The following MADD variants were observed in gnomAD, a reference collection of about 807,000 sequenced individuals.
The protein encoded by MADD is MAP kinase-activating death domain protein.
MADD carries 109 observed loss-of-function variants against 176.7 expected under a neutral mutation model. The observed-to-expected ratio is 0.62, with a 90% CI of 0.53 to 0.72. MADD has a LOEUF of 0.72. Among genes scored for constraint, MADD ranks in the 30% least tolerant of loss-of-function variants. The pLI is 0.00. For missense variants in MADD, 1,914 were observed against 2,045.5 expected (o/e 0.94, Z 1.24); for synonymous variants, 771 against 771.3 (o/e 1.00, Z 0.01).
intron 19 of MADD, among the ~76,000 whole-genome samples, chr11:47,292,858 G>A (rs577211181): frequency 5.3e-5 from 8 of 152,246 alleles, no homozygotes; most frequent in African/African-American, 1.9e-4. Context: ...TTCAGAGTTG[G>A]TGGGGAGAAT....
chr11:47,274,289 A>G (rs558879691), intron 2 of MADD, among the ~76,000 whole-genome samples: 1 of 152,344 alleles, frequency 6.6e-6, no homozygotes, highest in African/African-American at 2.4e-5. Flanking sequence ...TTATTAGTTA[A>G]TTCACTTTAA....
rs35135181 is a variant in MADD, at chr11:47,282,913, T to A, written c.1806T>A (p.Ala602=). ...TCTATGACAGCAATTCCCAGCTGGC[T>A]GAGGCCCTGAGTGTACCACCAGAGC... The change falls in exon 10 of 33, where the codon GCT becomes GCA. Residue 602 remains alanine, a synonymous_variant. Coordinates refer to ENST00000402192, the Ensembl canonical transcript of MADD. 465 of 1,614,046 alleles carry A rather than the reference T, an allele frequency of 2.9e-4. 1 individual carries two copies. In the African/African-American group the frequency reaches 5.4e-3, roughly 19 times the overall value.
chr11:47,279,381 C>A (rs188014201), intron 7 of MADD, among the ~76,000 whole-genome samples: 38 of 116,820 alleles, frequency 3.3e-4, no homozygotes, highest in Middle Eastern at 4.3e-3. Context: ...TTTTCTCAGT[C>A]TTTTTTTTTT....
At chr11:47,296,160 TAAGG>T in intron 22 of MADD, 105 bp downstream of exon 24, 2 of 1,308,412 alleles carry the variant, frequency 1.5e-6, no homozygotes, top group East Asian at 4.7e-5. Context: ...AAAGGTTAAA[TAAGG>T]AAGAGGTAAT....
intron 22 of MADD, among the ~76,000 whole-genome samples, chr11:47,301,061 G>C (rs1279403761): frequency 6.7e-6 from 1 of 148,950 alleles, no homozygotes; most frequent in Non-Finnish European, 1.5e-5. Context: ...AGCTCTAATG[G>C]TTTGTGGATT....
In MADD at chr11:47,304,507, G is replaced by A. The variant is rs112471522; in HGVS notation, c.3643-4084G>A. On this transcript the variant is annotated intron_variant, in intron 22 of 32. Transcript: ENST00000402192. ...CACCTCCCAAAGTGTTGGGATTACA[G>A]GTGTGAGCCCCCACGCCTGGCCCTC... is the stretch of plus-strand genomic sequence containing the variant. Among the ~76,000 whole-genome samples the A allele has an allele frequency of 8.9e-3, 1,357 of 152,174 alleles. 22 individuals carry two copies. The highest frequency in any genetic ancestry group is 0.03 in the African/African-American group (1,265 of 41,516).
chr11:47,296,435 A>G (rs2071938397), intron 22 of MADD, among the ~76,000 whole-genome samples: 1 of 152,162 alleles, frequency 6.6e-6, no homozygotes, highest in Non-Finnish European at 1.5e-5. Flanking sequence ...ATCCAGTTTT[A>G]TTTTGGTCAC....
intron 30 of MADD, among the ~76,000 whole-genome samples, 165 bp from the exon 34 acceptor site, chr11:47,326,379 A>T (rs763066893): frequency 1.1e-4 from 16 of 152,102 alleles, no homozygotes; most frequent in Non-Finnish European, 8.8e-5. Flanking sequence ...AAGGGTAGAG[A>T]CCTAATGGGC....
intron 27 of MADD, among the ~76,000 whole-genome samples, chr11:47,320,262 C>T (rs2094204569): frequency 6.6e-6 from 1 of 151,474 alleles, no homozygotes; most frequent in Non-Finnish European, 1.5e-5. Context: ...CAAGATCAGC[C>T]TGGCCAAGAT....
intron 27 of MADD, among the ~76,000 whole-genome samples, chr11:47,316,882 T>C (rs2093223069): frequency 6.6e-6 from 1 of 152,060 alleles, no homozygotes; most frequent in Non-Finnish European, 1.5e-5. Flanking sequence ...TAGCTGGGAT[T>C]ACAGTCGCCC....
At chr11:47,281,879 T>C (rs981264326) in intron 8 of MADD, 126 bp downstream of exon 8, 3 of 350,982 alleles carry the variant, frequency 8.5e-6, no homozygotes, top group Non-Finnish European at 1.3e-5. Context: ...TTCTCACTCT[T>C]GTTGGAGTGC....
exon 13 of MADD, chr11:47,285,053 A>C (rs2059633944): frequency 6.2e-7 from 1 of 1,613,994 alleles, no homozygotes; most frequent in Admixed American, 1.7e-5. Context: ...CGTCAGGCAG[A>C]AATTGGAGAG....
In MADD at chr11:47,284,929, T is replaced by C. The variant is rs1193833060; in HGVS notation, c.2158-12T>C. 1.9e-6 allele frequency: 3 copies of C among 1,613,118 alleles called. No homozygotes were observed. Among genetic ancestry groups the C allele is most frequent in the South Asian group, 1.1e-5 (1 of 91,082 alleles). ...CACCAGGTAACCACTTTTAATTTCA[T>C]GCGGCCTTTAGGAACCTGCTGACTC... On this transcript the variant is annotated splice_polypyrimidine_tract_variant and intron_variant, in intron 12 of 32. Transcript: ENST00000402192.
chr11:47,322,568 C>T (rs188104097), intron 27 of MADD, among the ~76,000 whole-genome samples: 59 of 152,136 alleles, frequency 3.9e-4, no homozygotes, highest in Non-Finnish European at 2.2e-4. Flanking sequence ...GACGGGATTG[C>T]GCCACTGCAC....
At chr11:47,299,299 TG>T (rs1384135691) in intron 22 of MADD, among the ~76,000 whole-genome samples, 1 of 152,088 alleles carries the variant, frequency 6.6e-6, no homozygotes, top group Admixed American at 6.6e-5. Context: ...TCCATGAACA[TG>T]GTATATCTTT....
In MADD at chr11:47,280,544, A is replaced by G. The variant is rs140471998; in HGVS notation, c.1291-1031A>G. ...TGGAGAGGTTAATAAATGGAATTAT[A>G]TTTAATTAAATTAATTAATTAATTT... On this transcript the variant is annotated intron_variant, in intron 7 of 32. Coordinates refer to ENST00000402192, the Ensembl canonical transcript of MADD. 1.3e-3 allele frequency among the ~76,000 whole-genome samples: 203 copies of G among 152,194 alleles called. 2 individuals carry two copies. The highest frequency in any genetic ancestry group is 0.01 in the Admixed American group (154 of 15,280).
intron 27 of MADD, among the ~76,000 whole-genome samples, chr11:47,319,589 A>G (rs1380159136): frequency 1.3e-5 from 2 of 152,218 alleles, no homozygotes; most frequent in African/African-American, 4.8e-5. Context: ...CCAGTAATGA[A>G]GAGTTTTATG....
At chr11:47,287,752 CTG>C (rs1484317438) in intron 15 of MADD, among the ~76,000 whole-genome samples, 12 of 146,118 alleles carry the variant, frequency 8.2e-5, no homozygotes, top group African/African-American at 2.8e-4. Context: ...AAATATTTAA[CTG>C]TGGTAGGAAG....
chr11:47,284,849 C>T, intron 12 of MADD, 92 bp from the exon 13 acceptor site: 1 of 1,530,064 alleles, frequency 6.5e-7, no homozygotes, highest in Non-Finnish European at 8.8e-7. Context: ...GGCTAGAAAT[C>T]TGACAGGCCT....
Sources: allele counts gnomAD v4.1 joint callset (sites outside exome capture counted in the v4.1 genomes callset), GRCh38; gene constraint gnomAD v4.1.1; transcripts MANE v1.5; gene names NCBI Gene and HGNC (gene_info 2026-07-23, HGNC 2026-07-21).